NOA1: variants seen among roughly 807,000 people sequenced by gnomAD.
NOA1 encodes the protein nitric oxide-associated protein 1.
In NOA1, 35 loss-of-function variants were observed where a neutral mutation model predicts 58.4. The observed-to-expected ratio is 0.60, with a 90% CI of 0.46 to 0.79. The LOEUF (loss-of-function observed/expected upper bound fraction) is 0.79, where lower values mean the gene tolerates loss of function less well. NOA1 is among the 30% of genes least tolerant of loss of function. NOA1 has a pLI of 0.00. For missense variants in NOA1, 895 were observed against 894.6 expected, an observed-to-expected ratio of 1.00 and a Z score of -0.01; for synonymous variants, 397 against 373.4, an observed-to-expected ratio of 1.06 and a Z score of -0.73.
intron 2 of NOA1, 127 bp downstream of exon 2, chr4:56,973,731 G>A: frequency 1.1e-6 from 1 of 902,932 alleles, no homozygotes. Context: ...GGGCCTCTTT[G>A]TTGCAGAATA....
At chr4:56,970,891 A>G (rs1721799267) in intron 3 of NOA1, among the ~76,000 whole-genome samples, 1 of 152,206 alleles carries the variant, frequency 6.6e-6, no homozygotes, top group African/African-American at 2.4e-5. Context: ...AGACGTTTAT[A>G]TCTAAAAATT....
chr4:56,972,681 A>C (rs1721829483), intron 3 of NOA1, among the ~76,000 whole-genome samples: 1 of 152,186 alleles, frequency 6.6e-6, no homozygotes, highest in Admixed American at 6.5e-5. Context: ...TCAAGCAGGG[A>C]CTAGGGAGTT....
At chr4:56,973,760 C>T (rs1372714600) in intron 2 of NOA1, 98 bp downstream of exon 2, 10 of 1,227,636 alleles carry the variant, frequency 8.1e-6, no homozygotes, top group Admixed American at 2.1e-5. Flanking sequence ...AGTCTCTCCC[C>T]ACAAAAACTG....
At chr4:56,974,577 G>C (rs1721864826) in intron 1 of NOA1, among the ~76,000 whole-genome samples, 1 of 151,518 alleles carries the variant, frequency 6.6e-6, no homozygotes, top group Non-Finnish European at 1.5e-5. Context: ...GCTTGAACCT[G>C]GGAGGTGAGG....
At chr4:56,966,007 G>A (rs1392307212) in intron 5 of NOA1, among the ~76,000 whole-genome samples, 3 of 142,420 alleles carry the variant, frequency 2.1e-5, no homozygotes, top group African/African-American at 7.8e-5. Flanking sequence ...TGGCTAACTT[G>A]AGCAAATTTT....
intron 1 of NOA1, among the ~76,000 whole-genome samples, chr4:56,975,659 C>A (rs980873514): frequency 2.6e-5 from 4 of 151,930 alleles, no homozygotes. Context: ...GGGCGGATCA[C>A]GAGGTCAGGG....
chr4:56,973,469 C>A, intron 2 of NOA1, 116 bp from the exon 3 acceptor site: 1 of 858,922 alleles, frequency 1.2e-6, no homozygotes, highest in East Asian at 2.5e-5. Flanking sequence ...GAAGTGAGAC[C>A]ATAATGATAC....
Position 56,963,373 on chromosome 4 carries a change from C to A in NOA1, c.*77G>T. On this transcript the variant is annotated 3_prime_UTR_variant, in exon 7 of 7. Coordinates refer to ENST00000264230, the MANE Select transcript of NOA1 (RefSeq NM_032313.4). ...GGTAAGAATGGGAGCTTTATTTATG[C>A]GTTATATGTTTAATACAAATTCAAT... 1 of 1,176,534 alleles carries A rather than the reference C, an allele frequency of 8.5e-7. No homozygotes were observed. Among genetic ancestry groups the A allele is most frequent in the South Asian group, 1.4e-5 (1 of 74,062 alleles). The allele number at this position is 1,176,534 out of a possible 1,614,324, so 72.9% of individuals were successfully genotyped here. A position where few individuals can be genotyped will look rare whatever the true frequency, so the allele number is the denominator to read the frequency against.
In NOA1 at chr4:56,968,502, A is replaced by G; in HGVS notation, c.1529T>C (p.Leu510Pro). 1.9e-6 allele frequency: 3 copies of G among 1,596,214 alleles called. No homozygotes were observed. The highest frequency in any genetic ancestry group is 2.6e-6 in the Non-Finnish European group (3 of 1,172,226). Residue 510 changes from leucine (L) to proline (P), a missense_variant, in exon 4 of 7, where the codon CTA (leucine) becomes CCA (proline). Physicochemically the swap from Leu to Pro is moderately conservative, Grantham distance 98. Coordinates refer to ENST00000264230, the MANE Select transcript of NOA1 (RefSeq NM_032313.4). ...AACAATATTTACTTCTTTTTCTGTT[A>G]GAAGATTTAAAATCTGTGAAGCAAA... ...ITKENCILNLLTEKEVNIVLP... is the reference protein window; with the variant it reads ...ITKENCILNLPTEKEVNIVLP...
chr4:56,967,235 C>T (rs966751141), intron 4 of NOA1, among the ~76,000 whole-genome samples: 5 of 151,800 alleles, frequency 3.3e-5, no homozygotes, highest in African/African-American at 7.3e-5. Context: ...CAAAAATTAG[C>T]TGGGTGTGGT....
intron 1 of NOA1, 58 bp from the exon 2 acceptor site, chr4:56,974,080 A>ACAG: frequency 9.3e-7 from 1 of 1,073,900 alleles, no homozygotes; most frequent in South Asian, 2.3e-5. Flanking sequence ...AAGAAAATGA[A>ACAG]CATTTTTGAG....
At position 56,976,495 on chromosome 4, in the gene NOA1, C is replaced by T; in HGVS notation, c.1091G>A (p.Cys364Tyr). The change falls in exon 1 of 7, where the codon TGC (cysteine) becomes TAC (tyrosine). Residue 364 changes from cysteine to tyrosine, a missense_variant. Physicochemically the swap from Cys to Tyr is radical, Grantham distance 194. Coordinates refer to ENST00000264230, the MANE Select transcript of NOA1 (RefSeq NM_032313.4). Reference protein sequence around the residue: ...LFNTLLESDYCTAKGSEAIDR... With the variant: ...LFNTLLESDYYTAKGSEAIDR... ...GATGGCCTCGGAGCCCTTGGCAGTG[C>T]AGTAATCGGACTCCAGGAGCGTGTT... 2 of 1,614,186 alleles carry T rather than the reference C, an allele frequency of 1.2e-6. No individual in the cohort carries two copies. Among genetic ancestry groups the T allele is most frequent in the Non-Finnish European group, 1.7e-6 (2 of 1,180,016 alleles).
chr4:56,974,495 T>C (rs1721862996), intron 1 of NOA1, among the ~76,000 whole-genome samples: 1 of 151,826 alleles, frequency 6.6e-6, no homozygotes, highest in South Asian at 2.1e-4. Context: ...CTACTAAAAA[T>C]ACAAAAAATT....
At chr4:56,964,827 G>A (rs1001347204) in intron 5 of NOA1, among the ~76,000 whole-genome samples, 3 of 152,100 alleles carry the variant, frequency 2.0e-5, no homozygotes, top group Non-Finnish European at 4.4e-5. Context: ...CCTCCACAGG[G>A]CCTCACATAG....
chr4:56,977,287 T>A lies in NOA1; in HGVS notation c.299A>T (p.Glu100Val). The A allele has an allele frequency of 6.2e-7, 1 of 1,613,902 alleles. No individual in the cohort carries two copies. The change falls in exon 1 of 7, where the codon GAG becomes GTG. Residue 100 changes from glutamate (E) to valine (V), a missense_variant. This residue lies in a region of NOA1 where 680 missense variants were observed against 656.5 expected (regional missense o/e 1.04). Coordinates refer to ENST00000264230, the MANE Select transcript of NOA1 (RefSeq NM_032313.4). ...QLQELQQQQEEEERQRQQRRE... is the reference protein window; with the variant it reads ...QLQELQQQQEVEERQRQQRRE... ...CCGCTGCTGCCTCTGTCGCTCCTCCTCCTCCTGCTGTTGCTGGAGCTCCTG... is the reference window on the plus strand; with the variant it reads ...CCGCTGCTGCCTCTGTCGCTCCTCCACCTCCTGCTGTTGCTGGAGCTCCTG...
intron 6 of NOA1, 41 bp from the exon 7 acceptor site, chr4:56,963,702 T>G: frequency 6.6e-7 from 1 of 1,504,846 alleles, no homozygotes; most frequent in African/African-American, 1.4e-5. Context: ...CTGTTAGCAA[T>G]CATCTTATTA....
At chr4:56,970,480 G>A (rs1721792526) in intron 3 of NOA1, among the ~76,000 whole-genome samples, 1 of 150,808 alleles carries the variant, frequency 6.6e-6, no homozygotes, top group Non-Finnish European at 1.5e-5. Flanking sequence ...GTTGAGACAG[G>A]GTTTCACTCT....
At chr4:56,971,945 G>A (rs1721818710) in intron 3 of NOA1, among the ~76,000 whole-genome samples, 1 of 150,702 alleles carries the variant, frequency 6.6e-6, no homozygotes. Flanking sequence ...CTGGAGTGCA[G>A]TGGCACGATC....
chr4:56,976,566 G>T lies in NOA1; in HGVS notation c.1020C>A (p.Asp340Glu), dbSNP rs775246495. Residue 340 changes from aspartate (D) to glutamate (E), a missense_variant, in exon 1 of 7, where the codon GAC becomes GAA. This residue lies in a region of NOA1 where 680 missense variants were observed against 656.5 expected (regional missense o/e 1.04). Coordinates refer to ENST00000264230, the MANE Select transcript of NOA1 (RefSeq NM_032313.4). ...ALQRSWRYRGDVYLVGATNAG... is the reference protein window; with the variant it reads ...ALQRSWRYRGEVYLVGATNAG... ...CGTTGGTGGCGCCCACTAAGTAGAC[G>T]TCCCCACGGTAGCGCCAGGAGCGCT... 21 of 1,614,108 alleles carry T rather than the reference G, an allele frequency of 1.3e-5. No homozygotes were observed. In the South Asian group the frequency reaches 2.3e-4, roughly 18 times the overall value.
Sources: allele counts gnomAD v4.1 joint callset (sites outside exome capture counted in the v4.1 genomes callset), GRCh38; gene constraint gnomAD v4.1.1; regional missense constraint gnomAD v4.1.1; transcripts MANE v1.5; gene names NCBI Gene and HGNC (gene_info 2026-07-23, HGNC 2026-07-21).